CNTN6: variants seen among roughly 807,000 people sequenced by gnomAD.
The protein encoded by CNTN6 is contactin 6.
In CNTN6, 137 loss-of-function variants were observed where a neutral mutation model predicts 122.8. The ratio of observed to expected loss-of-function variants is 1.12; its 90% CI spans 0.97 to 1.29. The LOEUF is 1.29. Among genes scored for constraint, CNTN6 ranks in the 50% most tolerant of loss-of-function variants. The pLI is 0.00. For synonymous variants in CNTN6, 570 were observed against 426.0 expected (o/e 1.34, Z -4.16); for missense variants, 1,634 against 1,223.4 (o/e 1.34, Z -5.01).
intron 4 of CNTN6, among the ~76,000 whole-genome samples, chr3:1,255,756 T>C (rs928430006): frequency 6.6e-5 from 10 of 152,154 alleles, no homozygotes; most frequent in East Asian, 5.8e-4. Flanking sequence ...TACTGCAGCT[T>C]CAAACTCCTG....
At chr3:1,298,194 G>C (rs1391370151) in intron 7 of CNTN6, 1 of 503,110 alleles carries the variant, frequency 2.0e-6, no homozygotes, top group Admixed American at 3.5e-5. Context: ...AAAATGATCA[G>C]GGCTGCAATT....
chr3:1,313,624 A>G (rs1699700384), intron 7 of CNTN6, among the ~76,000 whole-genome samples: 1 of 151,966 alleles, frequency 6.6e-6, no homozygotes, highest in Admixed American at 6.6e-5. Context: ...TTCTGTTACC[A>G]CTGCTATTAT....
chr3:1,228,683 A>G (rs1298749992), intron 4 of CNTN6, among the ~76,000 whole-genome samples: 2 of 152,176 alleles, frequency 1.3e-5, no homozygotes, highest in African/African-American at 4.8e-5. Flanking sequence ...GAAGGCTTGC[A>G]TTTCTCCCTT....
At chr3:1,148,905 G>A (rs2092779732) in intron 2 of CNTN6, among the ~76,000 whole-genome samples, 1 of 152,118 alleles carries the variant, frequency 6.6e-6, no homozygotes. Context: ...GTGAGTCTGG[G>A]TTCTTTTACA....
chr3:1,202,750 T>G (rs1499094), intron 2 of CNTN6, among the ~76,000 whole-genome samples: 50,265 of 151,872 alleles, frequency 0.33, 9,743 homozygotes, highest in East Asian at 0.81. Flanking sequence ...ACACAGGGAA[T>G]GAACCGGTTT....
chr3:1,106,114 A>G (rs2091207436), intron 1 of CNTN6, among the ~76,000 whole-genome samples: 1 of 152,072 alleles, frequency 6.6e-6, no homozygotes, highest in South Asian at 2.1e-4. Flanking sequence ...TTGGTATGTT[A>G]GGAAAATTCA....
intron 16 of CNTN6, among the ~76,000 whole-genome samples, chr3:1,376,567 G>A (rs751567972): frequency 9.2e-5 from 14 of 151,842 alleles, no homozygotes; most frequent in Non-Finnish European, 1.6e-4. Context: ...ATTTTAACTG[G>A]TAAAATATCC....
At chr3:1,329,251 ATGTG>A (rs72285906) in intron 10 of CNTN6, among the ~76,000 whole-genome samples, 4 of 150,780 alleles carry the variant, frequency 2.7e-5, no homozygotes, top group Admixed American at 6.6e-5. Context: ...ATACATGTAT[ATGTG>A]TGTGTGTGTT....
In CNTN6 at chr3:1,197,699, C is replaced by A. The variant is rs372097182; in HGVS notation, c.56-22988C>A. Among the ~76,000 whole-genome samples, 3 of 152,070 alleles carry A rather than the reference C, an allele frequency of 2.0e-5. No individual in the cohort carries two copies. In the East Asian group the frequency reaches 5.8e-4, roughly 29 times the overall value. On this transcript the variant is annotated intron_variant, in intron 2 of 22. Coordinates refer to ENST00000446702, the MANE Select transcript of CNTN6 (RefSeq NM_001289080.2). ...CTCCTGAGTTTACCAGCTGTGTGAACTTGGGCAAGTAACCGCTCTCTGAAC... is the reference window on the plus strand; with the variant it reads ...CTCCTGAGTTTACCAGCTGTGTGAAATTGGGCAAGTAACCGCTCTCTGAAC...
chr3:1,282,700 A>T (rs1693678197), intron 5 of CNTN6, among the ~76,000 whole-genome samples: 1 of 152,186 alleles, frequency 6.6e-6, no homozygotes, highest in Non-Finnish European at 1.5e-5. Flanking sequence ...GATTCCTGTT[A>T]AACGTCTCCT....
intron 2 of CNTN6, among the ~76,000 whole-genome samples, chr3:1,160,344 G>GTGTATATATATATATATATATATA (rs1553611145): frequency 9.0e-6 from 1 of 111,114 alleles, no homozygotes; most frequent in Non-Finnish European, 1.8e-5. Flanking sequence ...TACTTTTACT[G>GTGTATATATATATATATATATATA]TATATATATA....
chr3:1,120,458 T>C (rs1198314827), intron 1 of CNTN6, among the ~76,000 whole-genome samples: 1 of 151,980 alleles, frequency 6.6e-6, no homozygotes, highest in African/African-American at 2.4e-5. Flanking sequence ...TGACTTATCT[T>C]TTTATGTACC....
At position 1,246,960 on chromosome 3, in the gene CNTN6, T is replaced by A. The variant is rs2094590744; in HGVS notation, c.358+18967T>A. On this transcript the variant is annotated intron_variant, in intron 4 of 22. Transcript: ENST00000446702. ...TGTGTAGGAAACCGCTTCTACTGTG[T>A]CGCTTGCCTTTTCACTCTCTTAATC... Among the ~76,000 whole-genome samples the A allele has an allele frequency of 3.3e-5, 5 of 152,210 alleles. No individual in the cohort carries two copies. In the South Asian group the frequency reaches 1.0e-3, roughly 32 times the overall value.
chr3:1,257,516 C>T (rs1247766373), intron 4 of CNTN6, among the ~76,000 whole-genome samples: 2 of 151,996 alleles, frequency 1.3e-5, no homozygotes, highest in Admixed American at 6.6e-5. Flanking sequence ...TTGTAATGAG[C>T]CTGAGGTAAA....
At chr3:1,221,426 T>G (rs916967067) in intron 3 of CNTN6, among the ~76,000 whole-genome samples, 1 of 152,230 alleles carries the variant, frequency 6.6e-6, no homozygotes, top group African/African-American at 2.4e-5. Flanking sequence ...TCTAGATTTA[T>G]TTCATCAGAT....
intron 4 of CNTN6, among the ~76,000 whole-genome samples, chr3:1,243,274 A>G (rs2094513137): frequency 6.6e-6 from 1 of 152,192 alleles, no homozygotes; most frequent in African/African-American, 2.4e-5. Flanking sequence ...ACTTGTAGCA[A>G]GCTCCTGGGG....
chr3:1,313,000 G>T (rs1699605384), intron 7 of CNTN6, among the ~76,000 whole-genome samples: 1 of 149,436 alleles, frequency 6.7e-6, no homozygotes, highest in African/African-American at 2.6e-5. Context: ...GTTAAATAAT[G>T]ATAAAATGAT....
At position 1,295,941 on chromosome 3, in the gene CNTN6, C is replaced by T. The variant is rs200907144; in HGVS notation, c.658+137C>T. 5 of 699,530 alleles carry T rather than the reference C, an allele frequency of 7.1e-6. No individual in the cohort carries two copies. The East Asian group carries it at 1.4e-4, about 19-fold the overall frequency. The allele number at this position is 699,530 out of a possible 1,614,324, so 43.3% of individuals were successfully genotyped here. A position where few individuals can be genotyped will look rare whatever the true frequency, so the allele number is the denominator to read the frequency against. ...TAGGTTCAATTCACAAATATGTAAA[C>T]CAGAAATATAACAGAAAATTATCTA... On this transcript the variant is annotated intron_variant, in intron 6 of 22. Transcript: ENST00000446702.
At chr3:1,120,631 T>G (rs1021275003) in intron 1 of CNTN6, among the ~76,000 whole-genome samples, 1 of 151,948 alleles carries the variant, frequency 6.6e-6, no homozygotes, top group African/African-American at 2.4e-5. Flanking sequence ...TAGTCTTAAT[T>G]TTTATAAAGT....
Sources: allele counts gnomAD v4.1 joint callset (sites outside exome capture counted in the v4.1 genomes callset), GRCh38; gene constraint gnomAD v4.1.1; transcripts MANE v1.5; gene names NCBI Gene and HGNC (gene_info 2026-07-23, HGNC 2026-07-21).